SLC39A11: variants seen among roughly 807,000 people sequenced by gnomAD.
SLC39A11 encodes solute carrier family 39 member 11.
A neutral mutation model predicts 36.1 loss-of-function variants in SLC39A11; 33 were observed. The ratio of observed to expected loss-of-function variants is 0.91; its 90% CI spans 0.69 to 1.22. SLC39A11 has a LOEUF of 1.22. Ranked by LOEUF, SLC39A11 falls within the 50% of genes most tolerant of loss-of-function variation. The pLI is 0.00. For missense variants in SLC39A11, 432 were observed against 430.3 expected (o/e 1.00, Z -0.03); for synonymous variants, 166 against 170.3 (o/e 0.97, Z 0.20).
chr17:72,778,257 GAGA>G (rs200793840), intron 6 of SLC39A11, among the ~76,000 whole-genome samples: 1 of 152,158 alleles, frequency 6.6e-6, no homozygotes, highest in East Asian at 1.9e-4. Context: ...TCATTTCACA[GAGA>G]AGACCACAGA....
At chr17:72,851,233 A>C (rs2079301706) in intron 5 of SLC39A11, among the ~76,000 whole-genome samples, 1 of 152,204 alleles carries the variant, frequency 6.6e-6, no homozygotes, top group Non-Finnish European at 1.5e-5. Context: ...TATTGGAAGA[A>C]TGTCATTCTT....
At chr17:73,049,810 C>T (rs763141405) in intron 3 of SLC39A11, among the ~76,000 whole-genome samples, 6 of 152,088 alleles carry the variant, frequency 3.9e-5, no homozygotes, top group East Asian at 1.9e-4. Flanking sequence ...CTCAAGAGAA[C>T]GAGGAATGAC....
At chr17:72,811,253 T>C (rs2077426858) in intron 6 of SLC39A11, among the ~76,000 whole-genome samples, 1 of 152,092 alleles carries the variant, frequency 6.6e-6, no homozygotes, top group Non-Finnish European at 1.5e-5. Context: ...TATCCTCACA[T>C]GGTAGAAAGG....
rs2077100229 is a variant in SLC39A11, at chr17:72,802,007, G to T, written c.601+47627C>A. 3.9e-5 allele frequency among the ~76,000 whole-genome samples: 6 copies of T among 152,342 alleles called. No homozygotes were observed. In the South Asian group the frequency reaches 1.2e-3, roughly 32 times the overall value. On this transcript the variant is annotated intron_variant, in intron 6 of 9. Coordinates refer to ENST00000255559, the MANE Select transcript of SLC39A11 (RefSeq NM_139177.4). ...GTCAAACGAGAATAACAGTTCCGTAGAATCACTGTGAAGATGGCACAAGGT... is the reference window on the plus strand; with the variant it reads ...GTCAAACGAGAATAACAGTTCCGTATAATCACTGTGAAGATGGCACAAGGT...
intron 4 of SLC39A11, among the ~76,000 whole-genome samples, chr17:73,013,029 C>A (rs1254809833): frequency 6.6e-6 from 1 of 152,116 alleles, no homozygotes; most frequent in African/African-American, 2.4e-5. Flanking sequence ...GAACTCCTGA[C>A]CTCAGGTGAT....
intron 3 of SLC39A11, among the ~76,000 whole-genome samples, chr17:73,045,765 A>G (rs759510238): frequency 2.0e-5 from 3 of 152,240 alleles, no homozygotes; most frequent in Non-Finnish European, 4.4e-5. Context: ...TGTTAACTCC[A>G]TGCAGACTTA....
At chr17:72,655,964 A>G (rs528049258) in intron 7 of SLC39A11, among the ~76,000 whole-genome samples, 6 of 151,944 alleles carry the variant, frequency 3.9e-5, no homozygotes, top group Admixed American at 2.6e-4. Flanking sequence ...GGCGTGGAGG[A>G]TGCCCCAGGC....
chr17:73,030,795 T>C (rs1043209204), intron 4 of SLC39A11, among the ~76,000 whole-genome samples: 1 of 152,170 alleles, frequency 6.6e-6, no homozygotes, highest in African/African-American at 2.4e-5. Context: ...GCCAATGGCT[T>C]GCGGTTCCCA....
At chr17:72,848,563 T>C (rs1387624043) in intron 6 of SLC39A11, among the ~76,000 whole-genome samples, 2 of 151,600 alleles carry the variant, frequency 1.3e-5, no homozygotes, top group Non-Finnish European at 2.9e-5. Context: ...CTACTAAAAA[T>C]ACAAAAAATT....
intron 3 of SLC39A11, among the ~76,000 whole-genome samples, chr17:73,052,018 ACCAT>A (rs1206422764): frequency 6.6e-6 from 1 of 151,976 alleles, no homozygotes; most frequent in Non-Finnish European, 1.5e-5. Context: ...AATTGGAATA[ACCAT>A]CCCCAGCTCC....
intron 7 of SLC39A11, among the ~76,000 whole-genome samples, chr17:72,708,015 G>T (rs2072961547): frequency 6.6e-6 from 1 of 152,170 alleles, no homozygotes; most frequent in East Asian, 1.9e-4. Flanking sequence ...CAATCTGCTT[G>T]CCAAGTCCAT....
rs201428795 is a variant in SLC39A11, at chr17:72,900,153, A to AAAAGAAAGAAAG, written c.430+47587_430+47598dup. On this transcript the variant is annotated intron_variant, in intron 5 of 9. Coordinates refer to ENST00000255559, the MANE Select transcript of SLC39A11 (RefSeq NM_139177.4). ...AAGAAAGAAAGAAAAAGAAAGAAAG[A>AAAAGAAAGAAAG]AAAGAAAGAAAGAAAGAAAGAAAGA... Among the ~76,000 whole-genome samples the AAAAGAAAGAAAG allele has an allele frequency of 1.6e-3, 101 of 61,292 alleles. 2 individuals carry two copies. Among genetic ancestry groups the AAAAGAAAGAAAG allele is most frequent in the Admixed American group, 2.9e-3 (17 of 5,904 alleles). 40.2% of individuals were successfully genotyped at this position (61,292 alleles called of 152,430 possible). A position where few individuals can be genotyped will look rare whatever the true frequency, so the allele number is the denominator to read the frequency against.
intron 6 of SLC39A11, among the ~76,000 whole-genome samples, chr17:72,837,526 A>G (rs933726806): frequency 6.6e-6 from 1 of 152,236 alleles, no homozygotes; most frequent in African/African-American, 2.4e-5. Flanking sequence ...AGGTTTCCAT[A>G]TGACCCAGCA....
At chr17:72,778,332 C>A (rs1328493199) in intron 6 of SLC39A11, among the ~76,000 whole-genome samples, 4 of 152,214 alleles carry the variant, frequency 2.6e-5, no homozygotes, top group Non-Finnish European at 5.9e-5. Context: ...CCGGTCTCAG[C>A]CCCTGGACCA....
At chr17:72,961,697 T>C (rs574785554) in intron 4 of SLC39A11, among the ~76,000 whole-genome samples, 1 of 151,778 alleles carries the variant, frequency 6.6e-6, no homozygotes, top group East Asian at 1.9e-4. Context: ...ATGAGATCAC[T>C]TGGACACGGG....
chr17:72,967,325 A>T (rs1359296623), intron 4 of SLC39A11, among the ~76,000 whole-genome samples: 1 of 151,524 alleles, frequency 6.6e-6, no homozygotes, highest in Non-Finnish European at 1.5e-5. Flanking sequence ...CCTTTTTATT[A>T]TAAGAAAACA....
intron 5 of SLC39A11, among the ~76,000 whole-genome samples, chr17:72,869,968 A>G (rs1758055017): frequency 6.6e-6 from 1 of 151,618 alleles, no homozygotes; most frequent in South Asian, 2.1e-4. Flanking sequence ...CCTTCTCAAC[A>G]TTTCTACCCC....
chr17:72,701,335 G>A (rs1367021542), intron 7 of SLC39A11, among the ~76,000 whole-genome samples: 10 of 152,202 alleles, frequency 6.6e-5, no homozygotes, highest in Non-Finnish European at 1.3e-4. Context: ...ACACAAGGAC[G>A]TGGTGTTGAG....
chr17:72,769,285 T>C (rs2075854299), intron 6 of SLC39A11, among the ~76,000 whole-genome samples: 1 of 152,250 alleles, frequency 6.6e-6, no homozygotes, highest in South Asian at 2.1e-4. Context: ...GTCACTCATA[T>C]ACAGTGTTGT....
Sources: allele counts gnomAD v4.1 joint callset (sites outside exome capture counted in the v4.1 genomes callset), GRCh38; gene constraint gnomAD v4.1.1; transcripts MANE v1.5; gene names NCBI Gene and HGNC (gene_info 2026-07-23, HGNC 2026-07-21).